The following HDAC2 variants were observed in gnomAD, a reference collection of about 807,000 sequenced individuals.
HDAC2 encodes histone deacetylase 2.
A neutral mutation model predicts 68.5 loss-of-function variants in HDAC2; 5 were observed. That is an observed-to-expected ratio of 0.07 (90% confidence interval 0.04 to 0.15). HDAC2 has a LOEUF of 0.15. HDAC2 is among the 10% of genes least tolerant of loss of function. The pLI is 1.00. For missense variants in HDAC2, 291 were observed against 600.8 expected (o/e 0.48, Z 5.39); for synonymous variants, 182 against 191.3 (o/e 0.95, Z 0.40).
chr6:113,950,996 T>C (rs1036262330), intron 6 of HDAC2, among the ~76,000 whole-genome samples: 6 of 152,190 alleles, frequency 3.9e-5, no homozygotes, highest in Admixed American at 2.6e-4. Context: ...AGCCAAAGTA[T>C]TGTGAAAACT....
intron 8 of HDAC2, chr6:113,947,537 G>C (rs1776291717): frequency 6.6e-6 from 1 of 152,084 alleles, no homozygotes; most frequent in African/African-American, 2.4e-5. Context: ...TGCAGTTTAT[G>C]ATTATAAAAA....
chr6:113,942,717 G>C (rs10499079), intron 12 of HDAC2, among the ~76,000 whole-genome samples: 6,270 of 152,228 alleles, frequency 0.041, 135 homozygotes, highest in Non-Finnish European at 0.064. Context: ...AAATGGCAGA[G>C]GCATGTGTAA....
intron 1 of HDAC2, chr6:113,970,549 A>C: frequency 5.8e-6 from 7 of 1,211,176 alleles, no homozygotes; most frequent in East Asian, 3.9e-5. Flanking sequence ...CGCCACCACC[A>C]AGGCGGGGTA....
intron 2 of HDAC2, among the ~76,000 whole-genome samples, chr6:113,959,256 T>C (rs1455989307): frequency 6.6e-6 from 1 of 152,118 alleles, no homozygotes; most frequent in Non-Finnish European, 1.5e-5. Context: ...CTGAGTCTTA[T>C]TCTAACTTCC....
intron 1 of HDAC2, among the ~76,000 whole-genome samples, chr6:113,965,364 T>C (rs1026140734): frequency 8.7e-5 from 13 of 149,770 alleles, no homozygotes; most frequent in Non-Finnish European, 1.8e-4. Flanking sequence ...CTTTTACTTT[T>C]TTTGTTTTTT....
intron 2 of HDAC2, among the ~76,000 whole-genome samples, chr6:113,959,157 G>A (rs971831187): frequency 2.0e-5 from 3 of 151,788 alleles, no homozygotes; most frequent in South Asian, 2.1e-4. Context: ...CTTTGTTCAC[G>A]ACCTCTCGTC....
rs763407740 is a variant in HDAC2, at chr6:113,944,412, TA to T, written c.1092-3del. ...CGCAAATTTTCAAACAAACGCTGTC[TA>T]AATTACACATGCAAAGTTTATTAGA... On this transcript the variant is annotated splice_polypyrimidine_tract_variant and splice_region_variant and intron_variant, in intron 10 of 13. Coordinates refer to ENST00000519065, the MANE Select transcript of HDAC2 (RefSeq NM_001527.4). 6.2e-7 allele frequency: 1 copy of T among 1,611,634 alleles called. No homozygotes were observed. The highest frequency in any genetic ancestry group is 8.5e-7 in the Non-Finnish European group (1 of 1,178,690).
At chr6:113,952,491 T>C (rs1357253205) in intron 6 of HDAC2, among the ~76,000 whole-genome samples, 1 of 152,222 alleles carries the variant, frequency 6.6e-6, no homozygotes, top group Non-Finnish European at 1.5e-5. Context: ...ACTGTAATGA[T>C]ATACCACAGA....
At chr6:113,942,155 G>A (rs12196845) in intron 12 of HDAC2, among the ~76,000 whole-genome samples, 21,682 of 151,740 alleles carry the variant, frequency 0.14, 1,782 homozygotes, top group Admixed American at 0.26. Flanking sequence ...TTAAAAATGA[G>A]AACACCAAAA....
intron 8 of HDAC2, chr6:113,947,239 T>A (rs976655036): frequency 1.3e-5 from 2 of 152,046 alleles, no homozygotes; most frequent in Non-Finnish European, 2.9e-5. Context: ...TTTTCCTTCA[T>A]CCCAAAACTT....
Position 113,953,377 on chromosome 6 carries a change from T to G in HDAC2, c.539A>C (p.His180Pro). The change falls in exon 6 of 14, where the codon CAT (histidine) becomes CCT (proline). Residue 180 changes from histidine (H) to proline (P), a missense_variant. His to Pro is a moderately conservative substitution (Grantham distance 77). Around this residue, in one of 2 missense-constraint regions of HDAC2, gnomAD observed 154 missense variants for 472.1 expected, o/e 0.33. Coordinates refer to ENST00000519065, the MANE Select transcript of HDAC2 (RefSeq NM_001527.4). ...RVLYIDIDIH[H>P]GDGVEEAFYT... Reference sequence around the variant, plus strand: ...AAAAGCTTCTTCAACACCATCACCATGATGAATATCTATATCAATATATAA... The same window carrying G: ...AAAAGCTTCTTCAACACCATCACCAGGATGAATATCTATATCAATATATAA... The G allele has an allele frequency of 6.4e-7, 1 of 1,567,806 alleles. No individual in the cohort carries two copies. The highest frequency in any genetic ancestry group is 8.8e-7 in the Non-Finnish European group (1 of 1,138,360).
In HDAC2 at chr6:113,933,215, G is replaced by A. The variant is rs147293125; in HGVS notation, c.*7843C>T. The A allele has an allele frequency of 6.6e-6, 1 of 152,192 alleles. No homozygotes were observed. Among genetic ancestry groups the A allele is most frequent in the Non-Finnish European group, 1.5e-5 (1 of 68,042 alleles). 9.4% of individuals were successfully genotyped at this position (152,192 alleles called of 1,614,324 possible). A position where few individuals can be genotyped will look rare whatever the true frequency, so the allele number is the denominator to read the frequency against. On this transcript the variant is annotated 3_prime_UTR_variant, in exon 14 of 14. Transcript: ENST00000519065. The stretch of plus-strand genomic sequence containing the variant: ...TTAAAGTTAACATCATCAGTAATGA[G>A]AGAAATTGAAATCATGCATTACCTG...
At chr6:113,964,525 T>C (rs1776766465) in intron 1 of HDAC2, among the ~76,000 whole-genome samples, 1 of 152,080 alleles carries the variant, frequency 6.6e-6, no homozygotes, top group Non-Finnish European at 1.5e-5. Flanking sequence ...GAGCCTACCA[T>C]GTGCCAAGCA....
chr6:113,969,290 C>G (rs918542059), intron 1 of HDAC2, among the ~76,000 whole-genome samples: 2 of 152,226 alleles, frequency 1.3e-5, no homozygotes, highest in Non-Finnish European at 2.9e-5. Context: ...TATCGCAGAT[C>G]AATTTAGATT....
Position 113,949,152 on chromosome 6 carries a change from A to C in HDAC2, c.732+16T>G, listed in dbSNP as rs1776338807. The stretch of plus-strand genomic sequence containing the variant: ...TTCTGAAATTCCATTCCAATTGTGA[A>C]AACAATAATACTTACAGGCTTAAAT... On this transcript the variant is annotated intron_variant, in intron 7 of 13. Coordinates refer to ENST00000519065, the MANE Select transcript of HDAC2 (RefSeq NM_001527.4). The C allele has an allele frequency of 6.2e-7, 1 of 1,603,814 alleles. No individual in the cohort carries two copies. The highest frequency in any genetic ancestry group is 1.1e-5 in the South Asian group (1 of 90,802).
Position 113,948,837 on chromosome 6 carries a change from A to G in HDAC2, c.841+142T>C, listed in dbSNP as rs1022670989. 1.9e-5 allele frequency: 15 copies of G among 775,156 alleles called. No individual in the cohort carries two copies. In the African/African-American group the frequency reaches 2.3e-4, roughly 12 times the overall value. The allele number at this position is 775,156 out of a possible 1,614,324, so 48.0% of individuals were successfully genotyped here. A position where few individuals can be genotyped will look rare whatever the true frequency, so the allele number is the denominator to read the frequency against. On this transcript the variant is annotated intron_variant, in intron 8 of 13. Transcript: ENST00000519065. ...AACAAGAATAACTCTAGTCATACATACAACAGACAAAACCCCATGAAAAAT... is the reference window on the plus strand; with the variant it reads ...AACAAGAATAACTCTAGTCATACATGCAACAGACAAAACCCCATGAAAAAT...
chr6:113,962,982 G>C (rs1012268035), intron 1 of HDAC2, among the ~76,000 whole-genome samples: 6 of 143,792 alleles, frequency 4.2e-5, no homozygotes, highest in Admixed American at 7.0e-5. Flanking sequence ...AAAAAAAAAA[G>C]AATTCTTCTA....
chr6:113,964,585 A>G (rs1776767621), intron 1 of HDAC2, among the ~76,000 whole-genome samples: 1 of 152,148 alleles, frequency 6.6e-6, no homozygotes, highest in Non-Finnish European at 1.5e-5. Context: ...GTTCTGCCCT[A>G]AATTCTCTTC....
intron 1 of HDAC2, among the ~76,000 whole-genome samples, chr6:113,968,178 A>C (rs1027578073): frequency 2.6e-5 from 4 of 152,166 alleles, no homozygotes; most frequent in Non-Finnish European, 5.9e-5. Flanking sequence ...ATGGTTATAG[A>C]ATTTGCTACT....
Sources: gnomAD v4.1 joint callset for allele counts (sites outside exome capture counted in the v4.1 genomes callset) on GRCh38, gnomAD v4.1.1 for gene constraint, gnomAD v4.1.1 regional missense constraint, MANE v1.5 for transcripts, NCBI Gene and HGNC (gene_info 2026-07-23, HGNC 2026-07-21) for gene names.